The following TCTN2 variants were observed in gnomAD, a reference collection of about 807,000 sequenced individuals.
TCTN2 encodes tectonic-2.
TCTN2 carries 66 observed loss-of-function variants against 83.4 expected under a neutral mutation model. That is an observed-to-expected ratio of 0.79 (90% confidence interval 0.65 to 0.97). The LOEUF (loss-of-function observed/expected upper bound fraction) is 0.97. Ranked by LOEUF, TCTN2 falls within the 50% of genes least tolerant of loss-of-function variation. TCTN2 has a pLI of 0.00. For missense variants in TCTN2, 794 were observed against 858.1 expected (o/e 0.93, Z 0.93); for synonymous variants, 301 against 326.7 (o/e 0.92, Z 0.85).
At chr12:123,707,249 C>G in intron 17 of TCTN2, 176 bp downstream of exon 17, 1 of 664,230 alleles carries the variant, frequency 1.5e-6, no homozygotes, top group East Asian at 2.7e-5. Context: ...TTATTTCTAC[C>G]TACACTGTTT....
At chr12:123,672,819 G>C (rs959488821) in intron 3 of TCTN2, among the ~76,000 whole-genome samples, 1 of 152,168 alleles carries the variant, frequency 6.6e-6, no homozygotes, top group African/African-American at 2.4e-5. Context: ...GGGAGGCCGA[G>C]GAGGGCGGAT....
At chr12:123,706,196 T>C (rs776388897) in intron 15 of TCTN2, among the ~76,000 whole-genome samples, 2 of 152,182 alleles carry the variant, frequency 1.3e-5, no homozygotes, top group Non-Finnish European at 2.9e-5. Context: ...CACCTCTGGA[T>C]TAGGGCCAAT....
At chr12:123,673,937 C>A in intron 4 of TCTN2, 127 bp downstream of exon 4, 1 of 869,908 alleles carries the variant, frequency 1.1e-6, no homozygotes, top group Non-Finnish European at 1.9e-6. Flanking sequence ...GTTAATGCTA[C>A]AAATGAGCTG....
intron 1 of TCTN2, 47 bp from the exon 2 acceptor site, chr12:123,671,460 A>G: frequency 6.2e-6 from 10 of 1,601,008 alleles, no homozygotes; most frequent in Non-Finnish European, 8.6e-6. Context: ...TTAGGCGGTG[A>G]TTCTTCCACT....
At chr12:123,678,911 T>C (rs1292004554) in intron 4 of TCTN2, among the ~76,000 whole-genome samples, 1 of 151,556 alleles carries the variant, frequency 6.6e-6, no homozygotes, top group Non-Finnish European at 1.5e-5. Context: ...CATTCTCCTG[T>C]CTCAGCCTTC....
intron 5 of TCTN2, among the ~76,000 whole-genome samples, chr12:123,683,407 A>C (rs987021153): frequency 2.0e-5 from 3 of 150,866 alleles, no homozygotes; most frequent in African/African-American, 7.3e-5. Flanking sequence ...GGCCTCCCAA[A>C]GCGATGGGAT....
At chr12:123,674,044 C>T (rs562439044) in intron 4 of TCTN2, among the ~76,000 whole-genome samples, 1 of 152,248 alleles carries the variant, frequency 6.6e-6, no homozygotes, top group Non-Finnish European at 1.5e-5. Context: ...TTGTGTCAAG[C>T]TTACCTGTTT....
chr12:123,707,666 T>G lies in TCTN2; in HGVS notation c.2047T>G (p.Leu683Val). The G allele has an allele frequency of 6.2e-7, 1 of 1,614,200 alleles. No homozygotes were observed. Among genetic ancestry groups the G allele is most frequent in the Non-Finnish European group, 8.5e-7 (1 of 1,180,030 alleles). ...LLLLLFLTLA[L>V]FLSNPWTRIC... is the part of the protein sequence containing the mutation. ...GTTGCTGTTGTTCCTCACATTGGCC[T>G]TGTTCCTCAGCAACCCCTGGACCAG... The change falls in exon 18 of 18, where the codon TTG becomes GTG. Residue 683 changes from leucine to valine, a missense_variant. By Grantham distance (32) the Leu-to-Val change is conservative. Transcript: ENST00000303372.
At chr12:123,684,872 A>G (rs1955944659) in intron 5 of TCTN2, among the ~76,000 whole-genome samples, 1 of 151,922 alleles carries the variant, frequency 6.6e-6, no homozygotes, top group Non-Finnish European at 1.5e-5. Context: ...CAACATGGTG[A>G]AACCCCGTCT....
intron 4 of TCTN2, among the ~76,000 whole-genome samples, chr12:123,674,072 A>G (rs531522448): frequency 3.3e-5 from 5 of 152,220 alleles, no homozygotes; most frequent in Non-Finnish European, 7.3e-5. Context: ...AGTGTATGCC[A>G]TGCAATTTGT....
In TCTN2 at chr12:123,697,078, CT is replaced by C; in HGVS notation, c.1394-5del. The C allele has an allele frequency of 2.5e-6, 4 of 1,607,026 alleles. No individual in the cohort carries two copies. Among genetic ancestry groups the C allele is most frequent in the Non-Finnish European group, 2.6e-6 (3 of 1,173,644 alleles). On this transcript the variant is annotated splice_polypyrimidine_tract_variant and splice_region_variant and intron_variant, in intron 12 of 17. Transcript: ENST00000303372. ...AAAGTAGCAAGAGGATAATCTTTTT[CT>C]TTTATAGCTGGAAGGGGTCTGTGTA...
Position 123,703,365 on chromosome 12 carries a change from A to G in TCTN2, c.1613-1167A>G, listed in dbSNP as rs1274759477. On this transcript the variant is annotated intron_variant, in intron 14 of 17. Coordinates refer to ENST00000303372, the MANE Select transcript of TCTN2 (RefSeq NM_024809.5). ...CCTGGCCAATTTTTGTATTTTTAGT[A>G]GAGACAGGGTTTCACCATGTTGGCC... 2.6e-5 allele frequency among the ~76,000 whole-genome samples: 4 copies of G among 152,012 alleles called. 1 individual carries two copies. Among genetic ancestry groups the G allele is most frequent in the South Asian group, 4.2e-4 (2 of 4,816 alleles).
intron 14 of TCTN2, among the ~76,000 whole-genome samples, chr12:123,702,734 C>T (rs1312505323): frequency 6.6e-6 from 1 of 152,164 alleles, no homozygotes; most frequent in Non-Finnish European, 1.5e-5. Flanking sequence ...GGGAAATAAA[C>T]GGTAGGGAAA....
rs1449646805 is a variant in TCTN2 at position 123,679,302 on chromosome 12, G to A, written c.564+13G>A. Reference sequence around the variant, plus strand: ...CTGCTGTGACCAGGTATGTTCTTTGGTTATTGGGCACAAAAGTTATGCTAC... The same window carrying A: ...CTGCTGTGACCAGGTATGTTCTTTGATTATTGGGCACAAAAGTTATGCTAC... On this transcript the variant is annotated intron_variant, in intron 5 of 17. Transcript: ENST00000303372. 6.2e-7 allele frequency: 1 copy of A among 1,611,474 alleles called. No homozygotes were observed. The highest frequency in any genetic ancestry group is 2.2e-5 in the East Asian group (1 of 44,850).
intron 8 of TCTN2, among the ~76,000 whole-genome samples, chr12:123,692,456 G>A (rs750815793): frequency 6.6e-6 from 1 of 152,150 alleles, no homozygotes; most frequent in African/African-American, 2.4e-5. Context: ...GTTTGTTGTG[G>A]ATTTTCTTCC....
intron 15 of TCTN2, 111 bp downstream of exon 15, chr12:123,704,799 C>A: frequency 8.5e-7 from 1 of 1,172,644 alleles, no homozygotes; most frequent in Non-Finnish European, 1.3e-6. Flanking sequence ...TTACAACTTG[C>A]AATTATTAGC....
chr12:123,706,655 C>A (rs769693709), intron 15 of TCTN2, 71 bp from the exon 16 acceptor site: 1 of 1,609,242 alleles, frequency 6.2e-7, no homozygotes. Flanking sequence ...TGATTGCATC[C>A]GTTACCTGCT....
chr12:123,683,805 A>G (rs920218887), intron 5 of TCTN2, among the ~76,000 whole-genome samples: 3 of 151,898 alleles, frequency 2.0e-5, no homozygotes, highest in African/African-American at 7.3e-5. Flanking sequence ...TGCTCAGCTA[A>G]TTTTTTGTAT....
intron 4 of TCTN2, among the ~76,000 whole-genome samples, chr12:123,678,808 T>A (rs1955856870): frequency 6.6e-6 from 1 of 152,132 alleles, no homozygotes. Context: ...GCTTGCTTTT[T>A]TTTTTTTGAC....
Sources: gnomAD v4.1 joint callset for allele counts (sites outside exome capture counted in the v4.1 genomes callset) on GRCh38, gnomAD v4.1.1 for gene constraint, MANE v1.5 for transcripts, NCBI Gene and HGNC (gene_info 2026-07-23, HGNC 2026-07-21) for gene names.